YPEL2: variants seen among roughly 807,000 people sequenced by gnomAD.
YPEL2 encodes the protein yippee like 2.
A neutral mutation model predicts 19.1 loss-of-function variants in YPEL2; 2 were observed. That is an observed-to-expected ratio of 0.10 (90% CI 0.04 to 0.33). The LOEUF (loss-of-function observed/expected upper bound fraction) is 0.33. YPEL2 is among the 10% of genes least tolerant of loss of function. The pLI, the probability that YPEL2 is intolerant of heterozygous loss-of-function variation, is 1.00. For missense variants in YPEL2, 66 were observed against 140.7 expected (o/e 0.47, Z 2.68); for synonymous variants, 52 against 50.0 (o/e 1.04, Z -0.17).
At chr17:59,357,924 G>A (rs975400597) in intron 2 of YPEL2, among the ~76,000 whole-genome samples, 3 of 152,184 alleles carry the variant, frequency 2.0e-5, no homozygotes, top group South Asian at 2.1e-4. Context: ...CTGTAGAGGG[G>A]TAGTCCAGTG....
intron 2 of YPEL2, among the ~76,000 whole-genome samples, chr17:59,370,843 C>G (rs1403214398): frequency 1.3e-5 from 2 of 151,858 alleles, no homozygotes; most frequent in African/African-American, 4.8e-5. Context: ...TGAAACCAGA[C>G]AAGAGGAACT....
intron 4 of YPEL2, among the ~76,000 whole-genome samples, chr17:59,395,144 C>A (rs9908400): frequency 0.013 from 1,970 of 152,288 alleles, 44 homozygotes; most frequent in African/African-American, 0.045. Flanking sequence ...TCCTTCCCCC[C>A]CAAACACATT....
At chr17:59,365,788 G>T (rs1246058815) in intron 2 of YPEL2, among the ~76,000 whole-genome samples, 2 of 152,134 alleles carry the variant, frequency 1.3e-5, no homozygotes, top group East Asian at 3.9e-4. Flanking sequence ...CTTATTGCTG[G>T]TGGCTGGACA....
rs779502581 is a variant in YPEL2 at position 59,353,441 on chromosome 17, A to G, written c.32A>G (p.Gln11Arg). 5.0e-6 allele frequency: 8 copies of G among 1,607,464 alleles called. No individual in the cohort carries two copies. The highest frequency in any genetic ancestry group is 6.8e-6 in the Non-Finnish European group (8 of 1,176,226). MVKMTRSKTF[Q>R]AYLPSCHRTY... Reference sequence around the variant, plus strand: ...AAGATGACAAGATCGAAGACTTTCCAGGCATATCTGCCCTCCTGCCACCGG... The same window carrying G: ...AAGATGACAAGATCGAAGACTTTCCGGGCATATCTGCCCTCCTGCCACCGG... Residue 11 changes from glutamine to arginine, a missense_variant, in exon 2 of 5, where the codon CAG (glutamine) becomes CGG (arginine). Transcript: ENST00000312655. The surrounding 1 kb of genome is among the most constrained non-coding windows in gnomAD (Gnocchi z 4.8).
At chr17:59,360,496 G>T (rs756159860) in intron 2 of YPEL2, among the ~76,000 whole-genome samples, 5 of 152,188 alleles carry the variant, frequency 3.3e-5, no homozygotes, top group Non-Finnish European at 7.3e-5. Context: ...TACCAAGTTG[G>T]CTTTTATAAA....
intron 2 of YPEL2, among the ~76,000 whole-genome samples, chr17:59,374,119 G>A (rs954754437): frequency 7.9e-5 from 12 of 152,110 alleles, no homozygotes; most frequent in African/African-American, 2.4e-4. Flanking sequence ...TCAGAGTATC[G>A]GGGTTCTAGC....
intron 4 of YPEL2, among the ~76,000 whole-genome samples, chr17:59,395,259 A>G (rs1283210980): frequency 1.3e-5 from 2 of 152,090 alleles, no homozygotes; most frequent in Non-Finnish European, 2.9e-5. Context: ...AGTGTCAGGG[A>G]CATTGCTGCT....
At chr17:59,379,889 C>G (rs927004715) in intron 2 of YPEL2, among the ~76,000 whole-genome samples, 8 of 38,412 alleles carry the variant, frequency 2.1e-4, no homozygotes, top group Admixed American at 2.3e-4. Flanking sequence ...TTGACAGGGT[C>G]TCACTCTGTC....
rs2147962604 is a variant in YPEL2 at position 59,397,218 on chromosome 17, C to G, written c.*28C>G. The G allele has an allele frequency of 3.3e-6, 5 of 1,529,858 alleles. No individual in the cohort carries two copies. Among genetic ancestry groups the G allele is most frequent in the Non-Finnish European group, 4.4e-6 (5 of 1,125,848 alleles). The allele number at this position is 1,529,858 out of a possible 1,614,324, so 94.8% of individuals were successfully genotyped here. On this transcript the variant is annotated 3_prime_UTR_variant, in exon 5 of 5. Transcript: ENST00000312655. Reference sequence around the variant, plus strand: ...GGACAGCATCTACCCAACCCAGTGTCCACGTGAACGCCATTCAACCGAACA... The same window carrying G: ...GGACAGCATCTACCCAACCCAGTGTGCACGTGAACGCCATTCAACCGAACA...
At chr17:59,362,850 T>C (rs888731548) in intron 2 of YPEL2, 1 of 152,296 alleles carries the variant, frequency 6.6e-6, no homozygotes, top group African/African-American at 2.4e-5. Context: ...GCACCATTGC[T>C]AGCTTGGCTG....
chr17:59,350,419 T>C (rs2047782040), intron 1 of YPEL2, among the ~76,000 whole-genome samples: 1 of 152,178 alleles, frequency 6.6e-6, no homozygotes, highest in South Asian at 2.1e-4. Context: ...TTATTCATAT[T>C]TAAGAGCAAT....
chr17:59,360,480 A>G (rs993393331), intron 2 of YPEL2, among the ~76,000 whole-genome samples: 6 of 152,236 alleles, frequency 3.9e-5, no homozygotes, highest in African/African-American at 1.2e-4. Context: ...GTTGCAAGAC[A>G]TGCTCTACCA....
intron 2 of YPEL2, among the ~76,000 whole-genome samples, chr17:59,375,497 G>A (rs1017041066): frequency 6.6e-6 from 1 of 152,174 alleles, no homozygotes; most frequent in African/African-American, 2.4e-5. Context: ...GTCTTGAGAT[G>A]AAAAAGCTGT....
chr17:59,352,520 C>T (rs1029673415), intron 1 of YPEL2, among the ~76,000 whole-genome samples: 13 of 152,074 alleles, frequency 8.5e-5, no homozygotes, highest in African/African-American at 3.1e-4. Context: ...ATTTTAGATG[C>T]AGGATTCTGA....
intron 1 of YPEL2, among the ~76,000 whole-genome samples, chr17:59,349,935 G>A (rs12450113): frequency 0.63 from 95,652 of 152,004 alleles, 31,132 homozygotes; most frequent in African/African-American, 0.79. Flanking sequence ...CTGGGATTAC[G>A]GGCATGAGCC....
In YPEL2 at chr17:59,353,219, C is replaced by T. The variant is rs1014151868; in HGVS notation, c.-191C>T. The T allele has an allele frequency of 1.2e-5, 6 of 517,152 alleles. No homozygotes were observed. Among genetic ancestry groups the T allele is most frequent in the Non-Finnish European group, 2.0e-5 (6 of 292,706 alleles). 32.0% of individuals were successfully genotyped at this position (517,152 alleles called of 1,614,324 possible). A position where few individuals can be genotyped will look rare whatever the true frequency, so the allele number is the denominator to read the frequency against. ...CCTCTTCCCTTGATGTTACAGGCTG[C>T]TGAGAACTAGCCCTAGACCTCTGCG... On this transcript the variant is annotated 5_prime_UTR_variant, in exon 2 of 5. Coordinates refer to ENST00000312655, the MANE Select transcript of YPEL2 (RefSeq NM_001005404.4). This position sits in a 1 kb window ranked among gnomAD's most constrained non-coding sequence, Gnocchi z 4.8.
chr17:59,334,974 T>C (rs2047691909), intron 1 of YPEL2, among the ~76,000 whole-genome samples: 1 of 152,144 alleles, frequency 6.6e-6, no homozygotes, highest in African/African-American at 2.4e-5. Context: ...TGTGATCAAT[T>C]CCCATTGTAA....
chr17:59,350,569 G>A (rs1484168805), intron 1 of YPEL2, among the ~76,000 whole-genome samples: 1 of 152,194 alleles, frequency 6.6e-6, no homozygotes, highest in Non-Finnish European at 1.5e-5. Context: ...GAGCTGTGGT[G>A]AGGATGGAAT....
chr17:59,362,060 A>T (rs60195140), intron 2 of YPEL2, among the ~76,000 whole-genome samples: 1 of 152,166 alleles, frequency 6.6e-6, no homozygotes, highest in African/African-American at 2.4e-5. Context: ...GTTGGTTGCT[A>T]CTGAAGACTT....
Sources: allele counts gnomAD v4.1 joint callset (sites outside exome capture counted in the v4.1 genomes callset), GRCh38; gene constraint gnomAD v4.1.1; non-coding constraint Gnocchi (gnomAD v3.1); transcripts MANE v1.5; gene names NCBI Gene and HGNC (gene_info 2026-07-23, HGNC 2026-07-21).